Variants in SHROOM3 observed in about 807,000 individuals in gnomAD.
The protein encoded by SHROOM3 is shroom family member 3, also known as protein Shroom3.
In SHROOM3, 47 loss-of-function variants were observed where a neutral mutation model predicts 138.6. The ratio of observed to expected loss-of-function variants is 0.34; its 90% CI spans 0.27 to 0.43. The LOEUF is 0.43. SHROOM3 is among the 20% of genes least tolerant of loss of function. SHROOM3 has a pLI of 1.00. For missense variants in SHROOM3, 2,491 were observed against 2,596.5 expected, an observed-to-expected ratio of 0.96 and a Z score of 0.88; for synonymous variants, 1,062 against 1,063.3, an observed-to-expected ratio of 1.00 and a Z score of 0.02.
chr4:76,611,097 A>C (rs1454947566), intron 2 of SHROOM3, among the ~76,000 whole-genome samples: 2 of 152,184 alleles, frequency 1.3e-5, no homozygotes, highest in African/African-American at 4.8e-5. Flanking sequence ...CATTTTAACC[A>C]TTTTAAGTGT....
At chr4:76,523,170 G>GTAGTTGCATCACTT in intron 1 of SHROOM3, among the ~76,000 whole-genome samples, 1 of 152,186 alleles carries the variant, frequency 6.6e-6, no homozygotes, top group South Asian at 2.1e-4. Context: ...TCCTCGGCTT[G>GTAGTTGCATCACTT]TAGTTGCATC....
intron 10 of SHROOM3, among the ~76,000 whole-genome samples, chr4:76,773,719 C>T (rs1211286313): frequency 3.3e-5 from 5 of 152,170 alleles, no homozygotes; most frequent in East Asian, 1.9e-4. Context: ...AGTTTCTTTT[C>T]GCACTCTCCA....
chr4:76,640,561 T>C (rs1735638107), intron 2 of SHROOM3, among the ~76,000 whole-genome samples: 1 of 152,206 alleles, frequency 6.6e-6, no homozygotes, highest in Non-Finnish European at 1.5e-5. Context: ...CCAGAAACAG[T>C]ATGAGACTTG....
At chr4:76,515,322 G>C (rs1280026331) in intron 1 of SHROOM3, among the ~76,000 whole-genome samples, 1 of 151,748 alleles carries the variant, frequency 6.6e-6, no homozygotes, top group South Asian at 2.1e-4. Flanking sequence ...GGAGGTTGAG[G>C]CTACAGTGAG....
At chr4:76,633,886 G>C (rs1470837747) in intron 2 of SHROOM3, among the ~76,000 whole-genome samples, 1 of 152,132 alleles carries the variant, frequency 6.6e-6, no homozygotes, top group African/African-American at 2.4e-5. Flanking sequence ...AAATGGAAGG[G>C]AGACTCCGGA....
At chr4:76,525,414 G>A (rs1236220792) in intron 1 of SHROOM3, among the ~76,000 whole-genome samples, 3 of 152,148 alleles carry the variant, frequency 2.0e-5, no homozygotes, top group South Asian at 2.1e-4. Flanking sequence ...TTGACACATG[G>A]GGATTATGGG....
chr4:76,691,470 T>G (rs1719537515), intron 2 of SHROOM3, among the ~76,000 whole-genome samples: 1 of 152,204 alleles, frequency 6.6e-6, no homozygotes, highest in Non-Finnish European at 1.5e-5. Context: ...GAGCCCTGTT[T>G]TGATTTATGT....
intron 1 of SHROOM3, among the ~76,000 whole-genome samples, chr4:76,447,187 A>T (rs985626991): frequency 6.6e-6 from 1 of 152,196 alleles, no homozygotes; most frequent in African/African-American, 2.4e-5. Flanking sequence ...TCATTGTGAC[A>T]TGAATTTGAA....
At chr4:76,544,007 A>G (rs1158820437) in intron 1 of SHROOM3, among the ~76,000 whole-genome samples, 1 of 152,180 alleles carries the variant, frequency 6.6e-6, no homozygotes, top group African/African-American at 2.4e-5. Flanking sequence ...GTGGATTTCA[A>G]TACCATTATC....
rs1270167302 is a variant in SHROOM3 at position 76,778,854 on chromosome 4, G to A, written c.5668G>A (p.Asp1890Asn). The A allele has an allele frequency of 1.2e-6, 2 of 1,612,792 alleles. No homozygotes were observed. Among genetic ancestry groups the A allele is most frequent in the African/African-American group, 1.3e-5 (1 of 74,992 alleles). ...GAAGATCCTGGCTGGTCAGCATGAG[G>A]ATGCCCGGGAGCTGAAGGAGAACCT... Reference protein sequence around the residue: ...KRKILAGQHEDARELKENLDR... With the variant: ...KRKILAGQHENARELKENLDR... The change falls in exon 11 of 11, where the codon GAT becomes AAT. Residue 1890 changes from aspartate (D) to asparagine (N), a missense_variant. This residue lies in a region of SHROOM3 where 470 missense variants were observed against 595.0 expected (regional missense o/e 0.79). Coordinates refer to ENST00000296043, the MANE Select transcript of SHROOM3 (RefSeq NM_020859.4).
In SHROOM3 at chr4:76,739,357, T is replaced by G; in HGVS notation, c.1184T>G (p.Phe395Cys). 1 of 1,614,118 alleles carries G rather than the reference T, an allele frequency of 6.2e-7. No individual in the cohort carries two copies. Residue 395 changes from phenylalanine (F) to cysteine (C), a missense_variant, in exon 5 of 11, where the codon TTT (phenylalanine) becomes TGT (cysteine). Phe to Cys is a radical substitution (Grantham distance 205, BLOSUM62 -2). Around this residue, in one of 4 missense-constraint regions of SHROOM3, gnomAD observed 1,733 missense variants for 1,661.6 expected, o/e 1.04. Transcript: ENST00000296043. ...GCTCGGAGTGACAGTTACGCAGCATTTCGGCACCGTGAGCGGCCCAGCTCC... is the reference window on the plus strand; with the variant it reads ...GCTCGGAGTGACAGTTACGCAGCATGTCGGCACCGTGAGCGGCCCAGCTCC... ...PPARSDSYAAFRHRERPSSWS... is the reference protein window; with the variant it reads ...PPARSDSYAACRHRERPSSWS...
At chr4:76,561,686 T>TA (rs549046211) in intron 2 of SHROOM3, among the ~76,000 whole-genome samples, 12,489 of 89,254 alleles carry the variant, frequency 0.14, 834 homozygotes, top group Middle Eastern at 0.18. Flanking sequence ...TCTGTGATGC[T>TA]AAAAAAAAAA....
At chr4:76,656,221 C>T (rs1433388560) in intron 2 of SHROOM3, among the ~76,000 whole-genome samples, 1 of 152,140 alleles carries the variant, frequency 6.6e-6, no homozygotes, top group Non-Finnish European at 1.5e-5. Flanking sequence ...TCACCATTCC[C>T]AAGACAAGGC....
chr4:76,456,938 G>A (rs1292023216), intron 1 of SHROOM3, among the ~76,000 whole-genome samples: 1 of 152,204 alleles, frequency 6.6e-6, no homozygotes, highest in Non-Finnish European at 1.5e-5. Flanking sequence ...GAATTACAAA[G>A]AACCTTCTTA....
At chr4:76,759,298 G>T (rs1460476037) in intron 8 of SHROOM3, among the ~76,000 whole-genome samples, 1 of 152,214 alleles carries the variant, frequency 6.6e-6, no homozygotes, top group African/African-American at 2.4e-5. Flanking sequence ...AGCTGGCGAG[G>T]CCATAGCCTT....
chr4:76,505,811 A>G (rs1180252418), intron 1 of SHROOM3, among the ~76,000 whole-genome samples: 1 of 151,864 alleles, frequency 6.6e-6, no homozygotes, highest in African/African-American at 2.4e-5. Flanking sequence ...TCATGCTACT[A>G]TGCCTGGCTA....
At chr4:76,497,922 T>C (rs531869228) in intron 1 of SHROOM3, among the ~76,000 whole-genome samples, 116 of 152,290 alleles carry the variant, frequency 7.6e-4, no homozygotes, top group African/African-American at 2.6e-3. Context: ...AAAGAGGTCG[T>C]GCATGGCTGG....
intron 2 of SHROOM3, among the ~76,000 whole-genome samples, chr4:76,672,905 T>G (rs1718930082): frequency 6.6e-6 from 1 of 152,212 alleles, no homozygotes; most frequent in Non-Finnish European, 1.5e-5. Flanking sequence ...GAAAAAATAT[T>G]ACTTGCATTA....
At chr4:76,696,952 C>T (rs909516760) in intron 2 of SHROOM3, among the ~76,000 whole-genome samples, 1 of 152,126 alleles carries the variant, frequency 6.6e-6, no homozygotes, top group South Asian at 2.1e-4. Context: ...GGGTCTTGTT[C>T]TGTTGCCCAA....
Sources: allele counts gnomAD v4.1 joint callset (sites outside exome capture counted in the v4.1 genomes callset), GRCh38; gene constraint gnomAD v4.1.1; regional missense constraint gnomAD v4.1.1; transcripts MANE v1.5; gene names NCBI Gene and HGNC (gene_info 2026-07-23, HGNC 2026-07-21).